The following ADAMTS12 variants were observed in gnomAD, a reference collection of about 807,000 sequenced individuals.
The protein encoded by ADAMTS12 is A disintegrin and metalloproteinase with thrombospondin motifs 12.
A neutral mutation model predicts 167.8 loss-of-function variants in ADAMTS12; 118 were observed. The ratio of observed to expected loss-of-function variants is 0.70; its 90% CI spans 0.61 to 0.82. The LOEUF (loss-of-function observed/expected upper bound fraction) is 0.82. Ranked by LOEUF, ADAMTS12 falls within the 40% of genes least tolerant of loss-of-function variation. The pLI is 0.00. For missense variants in ADAMTS12, 1,916 were observed against 1,998.8 expected (o/e 0.96, Z 0.79); for synonymous variants, 704 against 716.9 (o/e 0.98, Z 0.29).
chr5:33,828,440 CTGTTA>C (rs1229715711), intron 2 of ADAMTS12, among the ~76,000 whole-genome samples: 2 of 152,116 alleles, frequency 1.3e-5, no homozygotes, highest in Non-Finnish European at 2.9e-5. Context: ...GTATCTCTTA[CTGTTA>C]TATCTTTCTG....
intron 13 of ADAMTS12, among the ~76,000 whole-genome samples, chr5:33,629,788 T>C (rs1739836555): frequency 6.6e-6 from 1 of 152,216 alleles, no homozygotes; most frequent in African/African-American, 2.4e-5. Flanking sequence ...TTTCATTTTC[T>C]TTTAAAAACC....
intron 2 of ADAMTS12, among the ~76,000 whole-genome samples, chr5:33,764,251 G>A (rs1314682539): frequency 6.6e-6 from 1 of 152,144 alleles, no homozygotes; most frequent in East Asian, 1.9e-4. Context: ...TTTATGGCAT[G>A]ATGAAAAATC....
intron 2 of ADAMTS12, among the ~76,000 whole-genome samples, chr5:33,798,445 T>C (rs1199279051): frequency 7.0e-6 from 1 of 143,282 alleles, no homozygotes; most frequent in Non-Finnish European, 1.5e-5. Context: ...TTTTTTTTTT[T>C]TTTTTTTTTT....
chr5:33,872,546 G>GAAAAA (rs61345844), intron 2 of ADAMTS12, among the ~76,000 whole-genome samples: 4,109 of 141,740 alleles, frequency 0.029, 159 homozygotes, highest in East Asian at 0.19. Flanking sequence ...GACTTCATCT[G>GAAAAA]AAAAAAAAAA....
At chr5:33,662,296 C>G (rs75961040) in intron 5 of ADAMTS12, among the ~76,000 whole-genome samples, 1 of 152,322 alleles carries the variant, frequency 6.6e-6, no homozygotes, top group South Asian at 2.1e-4. Flanking sequence ...CTGGGACAAG[C>G]AGCCCTTGAA....
intron 9 of ADAMTS12, among the ~76,000 whole-genome samples, chr5:33,648,536 G>T (rs1740761444): frequency 1.3e-5 from 2 of 152,194 alleles, no homozygotes; most frequent in Non-Finnish European, 2.9e-5. Flanking sequence ...TGGTTGCTAT[G>T]GAGTCTGCAG....
intron 19 of ADAMTS12, among the ~76,000 whole-genome samples, chr5:33,569,494 G>A (rs1005642167): frequency 6.6e-6 from 1 of 152,242 alleles, no homozygotes; most frequent in African/African-American, 2.4e-5. Flanking sequence ...CGGGTCTGGA[G>A]TGGACCTCTA....
At chr5:33,717,266 C>T (rs977488460) in intron 3 of ADAMTS12, among the ~76,000 whole-genome samples, 8 of 152,052 alleles carry the variant, frequency 5.3e-5, no homozygotes, top group African/African-American at 1.7e-4. Context: ...GCAAGTAAAC[C>T]ACCCCTCTCT....
In ADAMTS12 at chr5:33,547,104, C is replaced by T. The variant is rs571537305; in HGVS notation, c.4303-902G>A. ...TCAACTTTTTTCCCACTTATTCAAC[C>T]TGTTTTTAACCCCATCTGAGGAGAG... On this transcript the variant is annotated intron_variant, in intron 21 of 23. Coordinates refer to ENST00000504830, the MANE Select transcript of ADAMTS12 (RefSeq NM_030955.4). 6.6e-5 allele frequency among the ~76,000 whole-genome samples: 10 copies of T among 152,268 alleles called. No homozygotes were observed. The South Asian group carries it at 2.1e-3, about 32-fold the overall frequency.
chr5:33,625,782 C>A (rs950527475), intron 13 of ADAMTS12, among the ~76,000 whole-genome samples: 1 of 152,182 alleles, frequency 6.6e-6, no homozygotes, highest in Admixed American at 6.5e-5. Flanking sequence ...CAGAGACTCA[C>A]CCAATTTAGT....
In ADAMTS12 at chr5:33,658,182, AC is replaced by A; in HGVS notation, c.1190+1del. The A allele has an allele frequency of 6.2e-7, 1 of 1,613,198 alleles. No homozygotes were observed. Among genetic ancestry groups the A allele is most frequent in the East Asian group, 2.2e-5 (1 of 44,862 alleles). ...CAAACCTCCCTATCATTGGCCCTTT[AC>A]CTGTGTCCTAGCTCATGGGCAATTG... On this transcript the variant is annotated splice_donor_variant, in intron 7 of 23. Transcript: ENST00000504830. LOFTEE classifies it high-confidence loss of function.
At chr5:33,751,092 T>A in intron 3 of ADAMTS12, 1 of 443,106 alleles carries the variant, frequency 2.3e-6, no homozygotes, top group South Asian at 5.2e-5. Flanking sequence ...TTCAGAAGAG[T>A]TTTTTAAAAA....
intron 19 of ADAMTS12, among the ~76,000 whole-genome samples, chr5:33,564,124 T>C (rs1399836707): frequency 1.3e-5 from 2 of 152,210 alleles, no homozygotes; most frequent in African/African-American, 4.8e-5. Flanking sequence ...CAGGAGGACA[T>C]TGCAAGAGCG....
rs750951515 is a variant in ADAMTS12 at position 33,576,076 on chromosome 5, C to T, written c.3950G>A (p.Trp1317Ter). 6.2e-7 allele frequency: 1 copy of T among 1,613,326 alleles called. No individual in the cohort carries two copies. Among genetic ancestry groups the T allele is most frequent in the Non-Finnish European group, 8.5e-7 (1 of 1,179,646 alleles). Reference protein sequence around the residue: ...QLTNGHGSAHWIVGNWSECST... With the variant: ...QLTNGHGSAH ...TACCTCGCTCCAGTTTCCGACGATC[C>T]AGTGTGCAGAGCCGTGGCCGTTTGT... is the stretch of plus-strand genomic sequence containing the variant. The change falls in exon 19 of 24, where the codon TGG becomes TAG. Residue 1317 changes from tryptophan to a stop codon, truncating the protein, a stop_gained. Coordinates refer to ENST00000504830, the MANE Select transcript of ADAMTS12 (RefSeq NM_030955.4). LOFTEE classifies it high-confidence loss of function.
intron 2 of ADAMTS12, among the ~76,000 whole-genome samples, chr5:33,780,885 T>A (rs1746102108): frequency 6.6e-6 from 1 of 152,158 alleles, no homozygotes; most frequent in Non-Finnish European, 1.5e-5. Flanking sequence ...CTGATGGTCA[T>A]GCAGCAGGAG....
chr5:33,844,890 A>G (rs569371545), intron 2 of ADAMTS12, among the ~76,000 whole-genome samples: 2 of 151,962 alleles, frequency 1.3e-5, no homozygotes, highest in African/African-American at 4.8e-5. Context: ...TTATTTCTCA[A>G]CCCGGCCGAT....
At chr5:33,756,187 T>C (rs1474404502) in intron 2 of ADAMTS12, among the ~76,000 whole-genome samples, 2 of 152,190 alleles carry the variant, frequency 1.3e-5, no homozygotes, top group African/African-American at 2.4e-5. Context: ...AAGGACTTAG[T>C]GTTCACACAA....
intron 3 of ADAMTS12, among the ~76,000 whole-genome samples, chr5:33,688,379 C>T (rs1282950060): frequency 2.2e-5 from 2 of 92,466 alleles, no homozygotes; most frequent in Non-Finnish European, 4.7e-5. Context: ...TAAATGGAAG[C>T]TAACAGAGTG....
rs1743772291 is a variant in ADAMTS12, at chr5:33,720,487, A to G, written c.634+30917T>C. Among the ~76,000 whole-genome samples the G allele has an allele frequency of 2.0e-5, 3 of 152,246 alleles. No individual in the cohort carries two copies. In the South Asian group the frequency reaches 6.2e-4, roughly 32 times the overall value. On this transcript the variant is annotated intron_variant, in intron 3 of 23. Transcript: ENST00000504830. ...ATGCTAAATAGAAAGACCAGAACCAAGAATTTCACCTGTGTTTACATCAAT... is the reference window on the plus strand; with the variant it reads ...ATGCTAAATAGAAAGACCAGAACCAGGAATTTCACCTGTGTTTACATCAAT...
Sources: allele counts gnomAD v4.1 joint callset (sites outside exome capture counted in the v4.1 genomes callset), GRCh38; gene constraint gnomAD v4.1.1; transcripts MANE v1.5; gene names NCBI Gene and HGNC (gene_info 2026-07-23, HGNC 2026-07-21).